NKAIN3: variants seen among roughly 807,000 people sequenced by gnomAD.
The protein encoded by NKAIN3 is sodium/potassium-transporting ATPase subunit beta-1-interacting protein 3.
In NKAIN3, 25 loss-of-function variants were observed where a neutral mutation model predicts 30.2. The ratio of observed to expected loss-of-function variants is 0.83; its 90% CI spans 0.60 to 1.16. The LOEUF is 1.16. Among genes scored for constraint, NKAIN3 ranks in the 50% most tolerant of loss-of-function variants. The pLI is 0.00. For synonymous variants in NKAIN3, 91 were observed against 89.6 expected, an observed-to-expected ratio of 1.02 and a Z score of -0.09; for missense variants, 225 against 254.1, an observed-to-expected ratio of 0.89 and a Z score of 0.78.
intron 3 of NKAIN3, among the ~76,000 whole-genome samples, chr8:62,616,915 G>T (rs1056114685): frequency 3.9e-5 from 6 of 152,188 alleles, no homozygotes; most frequent in African/African-American, 1.4e-4. Flanking sequence ...CTACTGGGAG[G>T]TGTTTGGGTC....
chr8:62,352,211 A>T (rs1816202289), intron 1 of NKAIN3, among the ~76,000 whole-genome samples: 1 of 152,200 alleles, frequency 6.6e-6, no homozygotes, highest in African/African-American at 2.4e-5. Flanking sequence ...GTGCTGAGAC[A>T]CTTCTGTCGA....
At chr8:62,480,545 A>G (rs1213698116) in intron 1 of NKAIN3, among the ~76,000 whole-genome samples, 1 of 151,796 alleles carries the variant, frequency 6.6e-6, no homozygotes, top group Non-Finnish European at 1.5e-5. Flanking sequence ...AAAAAAAAAA[A>G]AAAAGGAATA....
At chr8:62,567,614 T>A (rs190117205) in intron 1 of NKAIN3, among the ~76,000 whole-genome samples, 79 of 152,130 alleles carry the variant, frequency 5.2e-4, no homozygotes, top group Non-Finnish European at 7.8e-4. Context: ...AGAATGATGG[T>A]AGCATGAGGA....
At chr8:62,276,946 C>G (rs1183175871) in intron 1 of NKAIN3, among the ~76,000 whole-genome samples, 2 of 151,992 alleles carry the variant, frequency 1.3e-5, no homozygotes, top group Admixed American at 6.6e-5. Flanking sequence ...TCCTAGAACT[C>G]TATACTTTTA....
chr8:62,479,755 T>A lies in NKAIN3; in HGVS notation c.55-99784T>A, dbSNP rs1367801810. 2.0e-5 allele frequency among the ~76,000 whole-genome samples: 3 copies of A among 152,208 alleles called. No homozygotes were observed. The East Asian group carries it at 5.8e-4, about 29-fold the overall frequency. The stretch of plus-strand genomic sequence containing the variant: ...GGCTGTTAGGAGAAGAGATGAGGAA[T>A]GTCCCAGCCCTCAGGGTCCCAGAGT... On this transcript the variant is annotated intron_variant, in intron 1 of 6. Coordinates refer to ENST00000623646, the MANE Select transcript of NKAIN3 (RefSeq NM_001304533.3).
chr8:62,615,165 T>TG (rs74184422), intron 3 of NKAIN3, among the ~76,000 whole-genome samples: 73,174 of 152,000 alleles, frequency 0.48, 20,700 homozygotes, highest in African/African-American at 0.79. Flanking sequence ...AGGTAGTACC[T>TG]GGTATTGCTG....
chr8:62,767,856 A>G (rs1816892601), intron 4 of NKAIN3, among the ~76,000 whole-genome samples: 1 of 152,030 alleles, frequency 6.6e-6, no homozygotes, highest in Non-Finnish European at 1.5e-5. Flanking sequence ...AACTTGGTAC[A>G]AAAAAGAAGA....
intron 1 of NKAIN3, among the ~76,000 whole-genome samples, chr8:62,292,286 A>G (rs772106081): frequency 6.6e-5 from 10 of 152,098 alleles, no homozygotes; most frequent in Non-Finnish European, 1.3e-4. Context: ...TTATGATGTT[A>G]GCTGGTTATT....
intron 1 of NKAIN3, among the ~76,000 whole-genome samples, chr8:62,477,489 TC>T: frequency 6.6e-6 from 1 of 152,140 alleles, no homozygotes; most frequent in Non-Finnish European, 1.5e-5. Flanking sequence ...TGTTCTCTCC[TC>T]CCTGCCTCAG....
At chr8:62,954,996 G>A (rs181687491) in intron 6 of NKAIN3, among the ~76,000 whole-genome samples, 11 of 152,090 alleles carry the variant, frequency 7.2e-5, no homozygotes, top group Non-Finnish European at 1.0e-4. Flanking sequence ...TAAAATAGTC[G>A]CTTGTATAAT....
Position 62,803,849 on chromosome 8 carries a change from A to C in NKAIN3, c.471+56720A>C, listed in dbSNP as rs531340197. ...AGCTGGTTTTTTGAAAGGATCAACA[A>C]AATTGATAGACTGCTAGCAAGACTA... On this transcript the variant is annotated intron_variant, in intron 4 of 6. Transcript: ENST00000623646. 2.0e-5 allele frequency among the ~76,000 whole-genome samples: 3 copies of C among 152,330 alleles called. No individual in the cohort carries two copies. The East Asian group carries it at 5.8e-4, about 29-fold the overall frequency.
At chr8:62,443,497 C>T (rs1362662017) in intron 1 of NKAIN3, among the ~76,000 whole-genome samples, 1 of 152,130 alleles carries the variant, frequency 6.6e-6, no homozygotes, top group African/African-American at 2.4e-5. Flanking sequence ...GATTCTCCTG[C>T]CTCAGCCTCC....
At chr8:62,907,188 A>G (rs1436928494) in intron 4 of NKAIN3, among the ~76,000 whole-genome samples, 2 of 152,160 alleles carry the variant, frequency 1.3e-5, no homozygotes, top group East Asian at 3.9e-4. Context: ...TAGATCTTTG[A>G]ACTTGAGAGA....
intron 1 of NKAIN3, among the ~76,000 whole-genome samples, chr8:62,315,890 C>T (rs1171757636): frequency 6.6e-6 from 1 of 152,138 alleles, no homozygotes; most frequent in Non-Finnish European, 1.5e-5. Flanking sequence ...TATGGTTTGG[C>T]TGTGTCCCCA....
intron 1 of NKAIN3, among the ~76,000 whole-genome samples, chr8:62,339,837 G>GA (rs974040981): frequency 1.3e-5 from 2 of 151,076 alleles, no homozygotes; most frequent in Non-Finnish European, 2.9e-5. Flanking sequence ...GATTGTTAAA[G>GA]AAAAAAAATC....
intron 1 of NKAIN3, among the ~76,000 whole-genome samples, chr8:62,486,321 G>C (rs1205320779): frequency 1.3e-5 from 2 of 151,998 alleles, no homozygotes; most frequent in African/African-American, 4.8e-5. Context: ...GTTGGTGTCT[G>C]TTTAGCTCAA....
intron 4 of NKAIN3, chr8:62,854,919 T>C (rs1484346804): frequency 2.6e-5 from 4 of 153,046 alleles, no homozygotes; most frequent in East Asian, 3.9e-4. Flanking sequence ...TATTAGGCAG[T>C]TCATTGAGAC....
intron 3 of NKAIN3, among the ~76,000 whole-genome samples, chr8:62,615,824 C>CACT (rs1381191636): frequency 6.6e-6 from 1 of 152,156 alleles, no homozygotes; most frequent in Non-Finnish European, 1.5e-5. Context: ...CTTAGCACCA[C>CACT]ACTGCTGCTG....
chr8:62,709,054 G>A (rs1171769883), intron 3 of NKAIN3, among the ~76,000 whole-genome samples: 1 of 152,118 alleles, frequency 6.6e-6, no homozygotes, highest in Non-Finnish European at 1.5e-5. Context: ...AACCATCCCT[G>A]CATCCCTGGT....
Sources: gnomAD v4.1 joint callset for allele counts (sites outside exome capture counted in the v4.1 genomes callset) on GRCh38, gnomAD v4.1.1 for gene constraint, MANE v1.5 for transcripts, NCBI Gene and HGNC (gene_info 2026-07-23, HGNC 2026-07-21) for gene names.